C3orf20: variants seen among roughly 807,000 people sequenced by gnomAD.
C3orf20 encodes the protein family with sequence similarity 149 member C, also known as uncharacterized protein C3orf20.
In C3orf20, 76 loss-of-function variants were observed where a neutral mutation model predicts 88.3. That is an observed-to-expected ratio of 0.86 (90% confidence interval 0.72 to 1.04). The LOEUF (loss-of-function observed/expected upper bound fraction) is 1.04. Among genes scored for constraint, C3orf20 ranks in the 50% least tolerant of loss-of-function variants. The probability of loss-of-function intolerance (pLI) is 0.00; values close to 1 mark genes in which losing one functional copy is unlikely to be tolerated. For missense variants in C3orf20, 1,056 were observed against 1,123.3 expected (o/e 0.94, Z 0.86); for synonymous variants, 436 against 437.4 (o/e 1.00, Z 0.04).
chr3:14,749,991 A>G lies in C3orf20; in HGVS notation c.1941-7380A>G, dbSNP rs559364472. Among the ~76,000 whole-genome samples the G allele has an allele frequency of 5.2e-5, 7 of 134,740 alleles. No individual in the cohort carries two copies. The South Asian group carries it at 1.8e-3, about 35-fold the overall frequency. 88.4% of individuals were successfully genotyped at this position (134,740 alleles called of 152,430 possible). On this transcript the variant is annotated intron_variant, in intron 12 of 16. Transcript: ENST00000253697. ...GTTTTATGTATTTGTGTTTTAAATCATACAGAAAAAAAAAACAAAAAAGTT... is the reference window on the plus strand; with the variant it reads ...GTTTTATGTATTTGTGTTTTAAATCGTACAGAAAAAAAAAACAAAAAAGTT...
chr3:14,718,767 A>G (rs1323948196), intron 9 of C3orf20, among the ~76,000 whole-genome samples: 1 of 152,224 alleles, frequency 6.6e-6, no homozygotes, highest in Non-Finnish European at 1.5e-5. Context: ...CTCACGTCTC[A>G]GTTCAGTTTT....
intron 7 of C3orf20, among the ~76,000 whole-genome samples, chr3:14,711,524 A>G (rs972782657): frequency 6.0e-5 from 9 of 151,168 alleles, no homozygotes; most frequent in Admixed American, 5.3e-4. Flanking sequence ...ATCTTTTTCT[A>G]TCATTTCACT....
intron 12 of C3orf20, among the ~76,000 whole-genome samples, chr3:14,750,006 A>C (rs528130045): frequency 6.6e-5 from 10 of 151,812 alleles, no homozygotes; most frequent in Admixed American, 5.2e-4. Context: ...GAAAAAAAAA[A>C]CAAAAAAGTT....
chr3:14,760,027 G>C lies in C3orf20; in HGVS notation c.2352+29G>C, dbSNP rs764639274. ...AGCCAGCAGGGACTTGCTATCCACT[G>C]CCTGCCACCCCAGCCGCAGCCACCT... On this transcript the variant is annotated intron_variant, in intron 14 of 16. Transcript: ENST00000253697. 9.7e-6 allele frequency: 15 copies of C among 1,538,588 alleles called. No individual in the cohort carries two copies. In the Admixed American group the frequency reaches 1.8e-4, roughly 19 times the overall value.
rs185731559 is a variant in C3orf20, at chr3:14,757,184, T to G, written c.1941-187T>G. Among the ~76,000 whole-genome samples, 6 of 152,358 alleles carry G rather than the reference T, an allele frequency of 3.9e-5. No homozygotes were observed. In the East Asian group the frequency reaches 1.2e-3, roughly 29 times the overall value. ...AAGGAGTAACTTGTTACTCTCATTT[T>G]GCACTGTGGAAAGAGGCCCAGAGAG... On this transcript the variant is annotated intron_variant, in intron 12 of 16. Transcript: ENST00000253697.
chr3:14,700,234 G>T (rs988553063), intron 5 of C3orf20, among the ~76,000 whole-genome samples: 4 of 138,846 alleles, frequency 2.9e-5, no homozygotes, highest in African/African-American at 1.1e-4. Flanking sequence ...CTGGTTTTTG[G>T]TTATTTTGAA....
At chr3:14,723,884 G>A (rs192372271) in intron 10 of C3orf20, among the ~76,000 whole-genome samples, 1 of 151,924 alleles carries the variant, frequency 6.6e-6, no homozygotes, top group East Asian at 1.9e-4. Flanking sequence ...GGAGTGCAGT[G>A]GTGCAATCTT....
chr3:14,764,799 G>A (rs2125042338), intron 15 of C3orf20, among the ~76,000 whole-genome samples: 1 of 152,316 alleles, frequency 6.6e-6, no homozygotes, highest in East Asian at 1.9e-4. Context: ...CCAGCGAGAA[G>A]CTGTCTTGCC....
Position 14,704,147 on chromosome 3 carries a change from C to T in C3orf20, c.879-190C>T, listed in dbSNP as rs140361140. ...AAATCAGGCAAGGGCTATTCTTAGA[C>T]GGGCATTGGGAACTTCCCAGTTCTT... On this transcript the variant is annotated intron_variant, in intron 6 of 16. Coordinates refer to ENST00000253697, the MANE Select transcript of C3orf20 (RefSeq NM_032137.5). 5.1e-4 allele frequency among the ~76,000 whole-genome samples: 78 copies of T among 152,226 alleles called. 1 individual carries two copies. The highest frequency in any genetic ancestry group is 1.8e-3 in the African/African-American group (74 of 41,522).
At chr3:14,678,061 G>A (rs114982790) in intron 1 of C3orf20, among the ~76,000 whole-genome samples, 430 of 152,212 alleles carry the variant, frequency 2.8e-3, no homozygotes, top group African/African-American at 9.9e-3. Context: ...ACCCTGTAGC[G>A]GCATCCAGTT....
At chr3:14,750,463 G>A (rs1273396713) in intron 12 of C3orf20, among the ~76,000 whole-genome samples, 2 of 151,984 alleles carry the variant, frequency 1.3e-5, no homozygotes, top group East Asian at 3.9e-4. Flanking sequence ...GGCTAAGATG[G>A]GAGAATCACT....
In C3orf20 at chr3:14,675,194, T is replaced by C. The variant is rs951991167; in HGVS notation, c.-357T>C. On this transcript the variant is annotated 5_prime_UTR_variant, in exon 1 of 17. It removes the in-frame stop codon of an upstream open reading frame in the 5' UTR. Coordinates refer to ENST00000253697, the MANE Select transcript of C3orf20 (RefSeq NM_032137.5). ...GCCATACTGTGTCCTTTTAAGTCAG[T>C]AAATTGAACTAAGTCGGTTATTCGG... The C allele has an allele frequency of 3.0e-4, 45 of 152,322 alleles. No individual in the cohort carries two copies. The highest frequency in any genetic ancestry group is 1.5e-5 in the Non-Finnish European group (1 of 68,046). 9.4% of individuals were successfully genotyped at this position (152,322 alleles called of 1,614,324 possible).
At chr3:14,730,969 A>G (rs964633243) in intron 12 of C3orf20, among the ~76,000 whole-genome samples, 1 of 152,152 alleles carries the variant, frequency 6.6e-6, no homozygotes, top group Non-Finnish European at 1.5e-5. Flanking sequence ...TCTTTTCCTC[A>G]GGGGATACTT....
At chr3:14,698,548 T>G (rs1362939530) in intron 5 of C3orf20, among the ~76,000 whole-genome samples, 29 of 152,218 alleles carry the variant, frequency 1.9e-4, no homozygotes, top group Admixed American at 1.8e-3. Flanking sequence ...CTTGGTGATC[T>G]TGGATAAGAT....
chr3:14,751,490 G>T (rs1399095020), intron 12 of C3orf20, among the ~76,000 whole-genome samples: 3 of 152,152 alleles, frequency 2.0e-5, no homozygotes, highest in African/African-American at 7.2e-5. Context: ...TGAGTGAATG[G>T]TAAGAAAAAG....
chr3:14,695,291 A>G (rs1448590240), intron 5 of C3orf20, among the ~76,000 whole-genome samples: 1 of 152,034 alleles, frequency 6.6e-6, no homozygotes, highest in Non-Finnish European at 1.5e-5. Context: ...ATGAATTTAT[A>G]TAGTTTCCAA....
chr3:14,723,480 T>C (rs2034236639), intron 10 of C3orf20, among the ~76,000 whole-genome samples: 1 of 152,232 alleles, frequency 6.6e-6, no homozygotes, highest in African/African-American at 2.4e-5. Context: ...AGAAGTCTCA[T>C]TCCCTCTAAA....
intron 15 of C3orf20, 121 bp downstream of exon 15, chr3:14,761,736 G>A: frequency 1.1e-6 from 1 of 904,796 alleles, no homozygotes; most frequent in East Asian, 2.9e-5. Flanking sequence ...ATGGAGTGGG[G>A]AGGGGGGCTG....
chr3:14,738,127 TGTTG>T (rs1383189200), intron 12 of C3orf20, among the ~76,000 whole-genome samples: 1 of 151,956 alleles, frequency 6.6e-6, no homozygotes, highest in African/African-American at 2.4e-5. Flanking sequence ...TCCTGTTAAA[TGTTG>T]ACATTTTGAC....
Sources: allele counts gnomAD v4.1 joint callset (sites outside exome capture counted in the v4.1 genomes callset), GRCh38; gene constraint gnomAD v4.1.1; transcripts MANE v1.5; gene names NCBI Gene and HGNC (gene_info 2026-07-23, HGNC 2026-07-21).